Variants in FAM20C observed in about 807,000 individuals in gnomAD.
The protein encoded by FAM20C is extracellular serine/threonine protein kinase FAM20C.
FAM20C carries 40 observed loss-of-function variants against 51.5 expected under a neutral mutation model. The ratio of observed to expected loss-of-function variants is 0.78; its 90% CI spans 0.60 to 1.01. The LOEUF (loss-of-function observed/expected upper bound fraction) is 1.01, where lower values mean the gene tolerates loss of function less well. FAM20C is among the 50% of genes least tolerant of loss of function. The pLI, the probability that FAM20C is intolerant of heterozygous loss-of-function variation, is 0.00. For missense variants in FAM20C, 861 were observed against 844.7 expected (o/e 1.02, Z -0.24); for synonymous variants, 406 against 380.6 (o/e 1.07, Z -0.78).
At position 259,893 on chromosome 7, in the gene FAM20C, C is replaced by T. The variant is rs758105238; in HGVS notation, c.1668C>T (p.Ala556=). The T allele has an allele frequency of 7.5e-5, 115 of 1,535,768 alleles. No individual in the cohort carries two copies. The Middle Eastern group carries it at 8.4e-4, about 11-fold the overall frequency. Residue 556 remains alanine, a synonymous_variant, in exon 10 of 10, where the codon GCC becomes GCT. Coordinates refer to ENST00000313766, the MANE Select transcript of FAM20C (RefSeq NM_020223.4). ...LDRRLRVVLK[A]VRDCVERNGL... is the part of the protein sequence containing the mutation. ...GGCGGCTCCGCGTCGTGCTAAAGGC[C>T]GTCCGGGACTGCGTGGAGAGGAACG...
chr7:259,797 G>A lies in FAM20C; in HGVS notation c.1572G>A (p.Leu524=). ...AGGAGGAGTACAAGCTGAGCCTGCT[G>A]ATGGCCGAGTCTCTGCGGGGGGACC... ...LAKEEYKLSL[L]MAESLRGDQV... The change falls in exon 10 of 10, where the codon CTG becomes CTA. Residue 524 remains leucine (L), a synonymous_variant. Coordinates refer to ENST00000313766, the MANE Select transcript of FAM20C (RefSeq NM_020223.4). 2 of 1,536,708 alleles carry A rather than the reference G, an allele frequency of 1.3e-6. No individual in the cohort carries two copies. The highest frequency in any genetic ancestry group is 2.4e-5 in the East Asian group (1 of 40,908).
intron 3 of FAM20C, chr7:229,110 A>C (rs1583315889): frequency 3.1e-6 from 1 of 320,174 alleles, no homozygotes. Flanking sequence ...TGTCCCACCC[A>C]GGAGGGGCCC....
Position 193,272 on chromosome 7 carries a change from A to G in FAM20C, c.73A>G (p.Ile25Val). The change falls in exon 1 of 10, where the codon ATC (isoleucine) becomes GTC (valine). Residue 25 changes from isoleucine (I) to valine (V), a missense_variant. By Grantham distance (29) the Ile-to-Val change is conservative. This residue lies in a region of FAM20C where 561 missense variants were observed against 499.8 expected (regional missense o/e 1.12). Transcript: ENST00000313766. ...GTTCCTGGTGGCCTGCGCGCTGCAC[A>G]TCGCCCTGGACCTGCTGCCCAGGCT... ...MVFLVACALHIALDLLPRLER... is the reference protein window; with the variant it reads ...MVFLVACALHVALDLLPRLER... 6.8e-7 allele frequency: 1 copy of G among 1,461,966 alleles called. No homozygotes were observed. The highest frequency in any genetic ancestry group is 1.5e-5 in the African/African-American group (1 of 67,520). The allele number at this position is 1,461,966 out of a possible 1,614,324, so 90.6% of individuals were successfully genotyped here.
In FAM20C at chr7:259,788, G is replaced by A. The variant is rs1788808383; in HGVS notation, c.1563G>A (p.Leu521=). 3 of 1,536,642 alleles carry A rather than the reference G, an allele frequency of 2.0e-6. No homozygotes were observed. Among genetic ancestry groups the A allele is most frequent in the South Asian group, 2.4e-5 (2 of 84,058 alleles). Residue 521 remains leucine, a synonymous_variant, in exon 10 of 10, where the codon CTG becomes CTA. Coordinates refer to ENST00000313766, the MANE Select transcript of FAM20C (RefSeq NM_020223.4). ...LQLLAKEEYK[L]SLLMAESLRG... The stretch of plus-strand genomic sequence containing the variant: ...TCCTGGCCAAGGAGGAGTACAAGCT[G>A]AGCCTGCTGATGGCCGAGTCTCTGC...
At chr7:207,895 A>C (rs1228814831) in intron 2 of FAM20C, among the ~76,000 whole-genome samples, 1 of 152,216 alleles carries the variant, frequency 6.6e-6, no homozygotes, top group African/African-American at 2.4e-5. Context: ...CAAAAAGGAA[A>C]TCCCGAGGTG....
At chr7:213,062 G>A (rs1049370742) in intron 3 of FAM20C, among the ~76,000 whole-genome samples, 4 of 152,240 alleles carry the variant, frequency 2.6e-5, no homozygotes, top group African/African-American at 4.8e-5. Context: ...ATGGAATCAC[G>A]CACTGCGTAG....
rs536615026 is a variant in FAM20C, at chr7:252,237, C to T, written c.1073-3612C>T. Among the ~76,000 whole-genome samples, 7 of 148,374 alleles carry T rather than the reference C, an allele frequency of 4.7e-5. No homozygotes were observed. In the East Asian group the frequency reaches 6.1e-4, roughly 13 times the overall value. On this transcript the variant is annotated intron_variant, in intron 5 of 9. Transcript: ENST00000313766. ...CCCGACCAAGGATGCCAGGTCATCT[C>T]GGAGGCCCTGCCGGAGCCGAGGGCA... is the stretch of plus-strand genomic sequence containing the variant.
intron 7 of FAM20C, 67 bp from the exon 8 acceptor site, chr7:256,938 A>C: frequency 6.7e-7 from 1 of 1,485,100 alleles, no homozygotes; most frequent in Non-Finnish European, 9.1e-7. Flanking sequence ...TCTGCAGAGC[A>C]CAGAGGCCTC....
intron 2 of FAM20C, among the ~76,000 whole-genome samples, chr7:206,641 C>A (rs1443805621): frequency 2.7e-5 from 4 of 147,484 alleles, no homozygotes; most frequent in African/African-American, 7.8e-5. Context: ...GCCCCGCACA[C>A]GTGTCCACTG....
At chr7:240,799 G>A (rs890018302) in intron 3 of FAM20C, among the ~76,000 whole-genome samples, 11 of 152,168 alleles carry the variant, frequency 7.2e-5, no homozygotes, top group African/African-American at 2.2e-4. Flanking sequence ...ACTCCTTAGG[G>A]AAGAGCCACA....
In FAM20C at chr7:255,871, C is replaced by T. The variant is rs902090470; in HGVS notation, c.1095C>T (p.Gly365=). The change falls in exon 6 of 10, where the codon GGC becomes GGT. Residue 365 remains glycine, a synonymous_variant. Transcript: ENST00000313766. ...CAGCCAACAACATCTGCTTCTACGGCGAGTGTTCCTACTACTGCTCCACGG... is the reference window on the plus strand; with the variant it reads ...CAGCCAACAACATCTGCTTCTACGGTGAGTGTTCCTACTACTGCTCCACGG... The part of the protein sequence containing the change: ...ISPANNICFY[G]ECSYYCSTEH... 35 of 1,536,242 alleles carry T rather than the reference C, an allele frequency of 2.3e-5. No homozygotes were observed. Among genetic ancestry groups the T allele is most frequent in the South Asian group, 5.9e-5 (5 of 84,064 alleles).
chr7:213,906 G>T (rs1014323661), intron 3 of FAM20C, among the ~76,000 whole-genome samples: 1 of 152,180 alleles, frequency 6.6e-6, no homozygotes, highest in African/African-American at 2.4e-5. Flanking sequence ...GCACGTCCCG[G>T]TGACTAATAT....
chr7:205,598 G>A (rs931108546), intron 2 of FAM20C, among the ~76,000 whole-genome samples: 5 of 152,150 alleles, frequency 3.3e-5, no homozygotes, highest in Non-Finnish European at 5.9e-5. Context: ...CAGAGACACC[G>A]CAGGAGGCCG....
intron 3 of FAM20C, among the ~76,000 whole-genome samples, chr7:231,735 T>A (rs1285874375): frequency 6.6e-6 from 1 of 152,168 alleles, no homozygotes; most frequent in Non-Finnish European, 1.5e-5. Flanking sequence ...TGGCGGTGTG[T>A]GCAGGCTTCC....
intron 8 of FAM20C, among the ~76,000 whole-genome samples, chr7:258,020 G>T (rs1166772357): frequency 4.2e-5 from 5 of 119,982 alleles, no homozygotes; most frequent in African/African-American, 1.6e-4. Context: ...GATGGGGCTG[G>T]GTGGACCCAC....
intron 3 of FAM20C, chr7:228,146 C>A (rs1026831393): frequency 3.2e-6 from 1 of 314,062 alleles, no homozygotes; most frequent in African/African-American, 2.2e-5. Flanking sequence ...CCTGTGCCTG[C>A]GTAACGAAAC....
At chr7:245,679 C>T (rs766330146) in intron 3 of FAM20C, among the ~76,000 whole-genome samples, 53 of 152,252 alleles carry the variant, frequency 3.5e-4, no homozygotes, top group Non-Finnish European at 5.3e-4. Flanking sequence ...ATGACCACAT[C>T]GGTCAAACAC....
chr7:259,591 T>TG, intron 9 of FAM20C, 140 bp from the exon 10 acceptor site: 2 of 1,106,484 alleles, frequency 1.8e-6, no homozygotes, highest in South Asian at 3.5e-5. Context: ...TCTCTGTCTT[T>TG]TTCTCTCTGT....
chr7:241,356 C>T (rs1215327610), intron 3 of FAM20C, among the ~76,000 whole-genome samples: 1 of 152,294 alleles, frequency 6.6e-6, no homozygotes, highest in Admixed American at 6.5e-5. Flanking sequence ...GTGCAGGTGA[C>T]TCAAGTCAGC....
Sources: allele counts gnomAD v4.1 joint callset (sites outside exome capture counted in the v4.1 genomes callset), GRCh38; gene constraint gnomAD v4.1.1; regional missense constraint gnomAD v4.1.1; transcripts MANE v1.5; gene names NCBI Gene and HGNC (gene_info 2026-07-23, HGNC 2026-07-21).